The following LRFN5 variants were observed in gnomAD, a reference collection of about 807,000 sequenced individuals.
LRFN5 encodes the protein leucine-rich repeat and fibronectin type-III domain-containing protein 5.
In LRFN5, 24 loss-of-function variants were observed where a neutral mutation model predicts 45.6. The ratio of observed to expected loss-of-function variants is 0.53; its 90% CI spans 0.38 to 0.74. LRFN5 has a LOEUF of 0.74. LRFN5 is among the 30% of genes least tolerant of loss of function. The pLI is 0.00. For synonymous variants in LRFN5, 340 were observed against 313.8 expected (o/e 1.08, Z -0.88); for missense variants, 776 against 861.5 (o/e 0.90, Z 1.24).
At position 41,895,706 on chromosome 14, in the gene LRFN5, C is replaced by T. The variant is rs1388599262; in HGVS notation, c.2099-3211C>T. Among the ~76,000 whole-genome samples the T allele has an allele frequency of 4.8e-5, 7 of 144,946 alleles. No individual in the cohort carries two copies. In the East Asian group the frequency reaches 9.9e-4, roughly 21 times the overall value. On this transcript the variant is annotated intron_variant, in intron 4 of 5. Transcript: ENST00000298119. ...TCAAACTGTGGCCAATTTATTTCCC[C>T]TTTTTTTTTTTTCCTAACCATTAAA... is the stretch of plus-strand genomic sequence containing the variant.
chr14:41,773,344 GTTCT>G (rs1465658503), intron 2 of LRFN5, among the ~76,000 whole-genome samples: 1 of 151,952 alleles, frequency 6.6e-6, no homozygotes, highest in African/African-American at 2.4e-5. Context: ...AACCAGATAT[GTTCT>G]TTCTATTATA....
At chr14:41,749,449 ATATACACTACGAAATAT>A (rs1885043322) in intron 1 of LRFN5, among the ~76,000 whole-genome samples, 1 of 152,192 alleles carries the variant, frequency 6.6e-6, no homozygotes, top group Non-Finnish European at 1.5e-5. Flanking sequence ...AATGTGCTAC[ATATACACTACGAAATAT>A]TATACAGCTA....
chr14:41,770,533 G>T (rs1886044188), intron 2 of LRFN5, among the ~76,000 whole-genome samples: 1 of 152,156 alleles, frequency 6.6e-6, no homozygotes, highest in Admixed American at 6.5e-5. Flanking sequence ...CAAAAAGCAA[G>T]GGGTAATAGA....
At chr14:41,878,305 G>A (rs1890257586) in intron 2 of LRFN5, among the ~76,000 whole-genome samples, 1 of 152,238 alleles carries the variant, frequency 6.6e-6, no homozygotes, top group Non-Finnish European at 1.5e-5. Context: ...TGAATTAATA[G>A]CATTCTACTG....
intron 2 of LRFN5, among the ~76,000 whole-genome samples, chr14:41,809,185 G>A (rs1887654484): frequency 6.6e-6 from 1 of 151,982 alleles, no homozygotes; most frequent in Admixed American, 6.6e-5. Flanking sequence ...ATTCAACTAG[G>A]TAATGCCCAT....
intron 2 of LRFN5, among the ~76,000 whole-genome samples, chr14:41,867,611 G>T (rs1264699707): frequency 6.6e-6 from 1 of 152,050 alleles, no homozygotes; most frequent in Non-Finnish European, 1.5e-5. Flanking sequence ...TGCTTCATGT[G>T]TACATCATCC....
intron 4 of LRFN5, chr14:41,892,481 C>T (rs1890820467): frequency 1.0e-6 from 1 of 978,380 alleles, no homozygotes; most frequent in East Asian, 1.1e-4. Flanking sequence ...AAAAGTATTG[C>T]ATAAAAAATG....
At chr14:41,673,631 C>A (rs1174303376) in intron 1 of LRFN5, among the ~76,000 whole-genome samples, 24 of 147,536 alleles carry the variant, frequency 1.6e-4, no homozygotes, top group South Asian at 4.4e-4. Context: ...ACTGACCCCC[C>A]CACCTCCCTC....
intron 2 of LRFN5, among the ~76,000 whole-genome samples, chr14:41,830,208 T>C (rs1010311619): frequency 1.1e-4 from 16 of 151,900 alleles, no homozygotes; most frequent in Non-Finnish European, 7.4e-5. Context: ...TCAATTGTAG[T>C]AGTGTTATGT....
intron 1 of LRFN5, among the ~76,000 whole-genome samples, chr14:41,635,154 T>C (rs1436278842): frequency 6.6e-6 from 1 of 152,102 alleles, no homozygotes; most frequent in Non-Finnish European, 1.5e-5. Flanking sequence ...ATTTTTGATT[T>C]ATAGTGAATC....
At chr14:41,608,816 G>T (rs931267711) in intron 1 of LRFN5, among the ~76,000 whole-genome samples, 2 of 152,134 alleles carry the variant, frequency 1.3e-5, no homozygotes, top group Admixed American at 6.5e-5. Flanking sequence ...GATATTTTTT[G>T]AGAGCTAGGC....
rs115371128 is a variant in LRFN5, at chr14:41,877,639, T to A, written c.-20-8967T>A. Reference sequence around the variant, plus strand: ...AAAAATACATGTGTGTGTGTATATATATACACACGCACATGTTGAGAACAA... The same window carrying A: ...AAAAATACATGTGTGTGTGTATATAAATACACACGCACATGTTGAGAACAA... On this transcript the variant is annotated intron_variant, in intron 2 of 5. Coordinates refer to ENST00000298119, the MANE Select transcript of LRFN5 (RefSeq NM_152447.5). Among the ~76,000 whole-genome samples, 717 of 152,146 alleles carry A rather than the reference T, an allele frequency of 4.7e-3. 9 individuals are homozygous for A. The highest frequency in any genetic ancestry group is 0.017 in the African/African-American group (691 of 41,516).
Position 41,758,060 on chromosome 14 carries a change from T to C in LRFN5, c.-196-8794T>C, listed in dbSNP as rs1885490591. The stretch of plus-strand genomic sequence containing the variant: ...AACTCTTATCCTTCTTTCCAAATTA[T>C]GCTTTCAAATGGCCTTTGAAGGTGT... On this transcript the variant is annotated intron_variant, in intron 1 of 5. Transcript: ENST00000298119. Among the ~76,000 whole-genome samples the C allele has an allele frequency of 2.0e-5, 3 of 152,206 alleles. No individual in the cohort carries two copies. In the South Asian group the frequency reaches 6.2e-4, roughly 31 times the overall value.
chr14:41,803,906 C>T (rs1038590313), intron 2 of LRFN5, among the ~76,000 whole-genome samples: 2 of 152,070 alleles, frequency 1.3e-5, no homozygotes, highest in African/African-American at 2.4e-5. Context: ...CTCTGTCACC[C>T]AGGCTGGAGT....
chr14:41,612,843 T>C (rs1176154068), intron 1 of LRFN5, among the ~76,000 whole-genome samples: 1 of 152,124 alleles, frequency 6.6e-6, no homozygotes, highest in Non-Finnish European at 1.5e-5. Flanking sequence ...TTATGAAAAT[T>C]CCAGTTTCAT....
At chr14:41,660,200 AT>A (rs1366411389) in intron 1 of LRFN5, among the ~76,000 whole-genome samples, 2 of 151,862 alleles carry the variant, frequency 1.3e-5, no homozygotes, top group African/African-American at 4.8e-5. Context: ...TAATTTTTGT[AT>A]TTTTAATAGT....
chr14:41,822,112 C>A (rs960956672), intron 2 of LRFN5, among the ~76,000 whole-genome samples: 1 of 151,802 alleles, frequency 6.6e-6, no homozygotes, highest in Non-Finnish European at 1.5e-5. Flanking sequence ...AAGTAACATA[C>A]TTATCATTTT....
At chr14:41,640,286 G>A (rs918095834) in intron 1 of LRFN5, among the ~76,000 whole-genome samples, 3 of 152,072 alleles carry the variant, frequency 2.0e-5, no homozygotes, top group African/African-American at 7.2e-5. Flanking sequence ...GCCTTAGGCT[G>A]TTAATATAAA....
intron 1 of LRFN5, among the ~76,000 whole-genome samples, chr14:41,693,618 G>A (rs552094041): frequency 1.3e-4 from 19 of 151,826 alleles, no homozygotes; most frequent in Non-Finnish European, 2.8e-4. Flanking sequence ...CCTTTAACAT[G>A]TATTGAAATG....
Sources: gnomAD v4.1 joint callset for allele counts (sites outside exome capture counted in the v4.1 genomes callset) on GRCh38, gnomAD v4.1.1 for gene constraint, MANE v1.5 for transcripts, NCBI Gene and HGNC (gene_info 2026-07-23, HGNC 2026-07-21) for gene names.